PARG: variants seen among roughly 807,000 people sequenced by gnomAD.
The protein encoded by PARG is poly(ADP-ribose) glycohydrolase.
In PARG, 35 loss-of-function variants were observed where a neutral mutation model predicts 113.0. The ratio of observed to expected loss-of-function variants is 0.31; its 90% confidence interval spans 0.24 to 0.41. The LOEUF (loss-of-function observed/expected upper bound fraction) is 0.41, where lower values mean the gene tolerates loss of function less well. PARG is among the 10% of genes least tolerant of loss of function. The probability of loss-of-function intolerance (pLI) is 1.00; values close to 1 mark genes in which losing one functional copy is unlikely to be tolerated. For synonymous variants in PARG, 330 were observed against 409.9 expected (o/e 0.81, Z 2.36); for missense variants, 797 against 1,169.4 (o/e 0.68, Z 4.64).
chr10:49,922,309 C>G (rs193176080), intron 6 of PARG, 27 bp downstream of exon 6: 2,068 of 1,580,264 alleles, frequency 1.3e-3, no homozygotes, highest in East Asian at 9.5e-3. Flanking sequence ...GGCCCATAAA[C>G]AGGCAAGCAT....
intron 13 of PARG, among the ~76,000 whole-genome samples, chr10:49,851,780 A>T (rs1845769920): frequency 7.8e-6 from 1 of 128,300 alleles, no homozygotes; most frequent in Admixed American, 7.6e-5. Flanking sequence ...GTAAGAGAAG[A>T]CAAAAAAAAA....
At chr10:49,938,281 G>C (rs1262112880) in intron 1 of PARG, among the ~76,000 whole-genome samples, 2 of 151,990 alleles carry the variant, frequency 1.3e-5, no homozygotes, top group African/African-American at 4.8e-5. Context: ...GCCTCACAAA[G>C]CACTCAATAT....
At chr10:49,822,209 C>T (rs115783026) in intron 16 of PARG, among the ~76,000 whole-genome samples, 2,190 of 151,838 alleles carry the variant, frequency 0.014, 52 homozygotes, top group African/African-American at 0.048. Context: ...CTCATGATGT[C>T]GAAAATATGT....
In PARG at chr10:49,904,632, A is replaced by G. The variant is rs1848492184; in HGVS notation, c.1737+11285T>C. 7.2e-5 allele frequency among the ~76,000 whole-genome samples: 11 copies of G among 151,732 alleles called. No homozygotes were observed. The South Asian group carries it at 2.3e-3, about 32-fold the overall frequency. On this transcript the variant is annotated intron_variant, in intron 7 of 17. Transcript: ENST00000616448. ...AAACTGCTCTAAAAAAAGAAAGTCT[A>G]GGTCAGGCACGATAGCTCATGCCTG...
chr10:49,926,196 A>G (rs1251428201), intron 4 of PARG, among the ~76,000 whole-genome samples: 5 of 152,228 alleles, frequency 3.3e-5, no homozygotes, highest in Non-Finnish European at 7.3e-5. Context: ...GGCATCTAAC[A>G]AAGGCAAAAT....
intron 7 of PARG, among the ~76,000 whole-genome samples, chr10:49,904,306 A>C (rs1222142598): frequency 2.0e-5 from 3 of 151,848 alleles, no homozygotes; most frequent in African/African-American, 7.3e-5. Flanking sequence ...AAGATGGCAG[A>C]GAGAAAGAGC....
chr10:49,819,075 C>G lies in PARG; in HGVS notation c.*265G>C. 1 of 284,396 alleles carries G rather than the reference C, an allele frequency of 3.5e-6. No homozygotes were observed. The highest frequency in any genetic ancestry group is 6.5e-6 in the Non-Finnish European group (1 of 152,674). The allele number at this position is 284,396 out of a possible 1,614,324, so 17.6% of individuals were successfully genotyped here. ...GGGATTTCACAAGAGATCTGATGGA[C>G]AAAAGAAATAAACATCAAAGAATGA... On this transcript the variant is annotated 3_prime_UTR_variant, in exon 18 of 18. Coordinates refer to ENST00000616448, the MANE Select transcript of PARG (RefSeq NM_003631.5).
chr10:49,845,588 T>A (rs1845466980), intron 13 of PARG, among the ~76,000 whole-genome samples: 1 of 152,094 alleles, frequency 6.6e-6, no homozygotes, highest in Non-Finnish European at 1.5e-5. Flanking sequence ...AGATTATCGC[T>A]TACTTAATGC....
At chr10:49,898,106 T>C (rs1462958972) in intron 7 of PARG, among the ~76,000 whole-genome samples, 1 of 152,234 alleles carries the variant, frequency 6.6e-6, no homozygotes. Context: ...AGACTAGTTA[T>C]AGGCCTAGAT....
At chr10:49,833,982 C>T (rs1844793777) in intron 15 of PARG, among the ~76,000 whole-genome samples, 1 of 152,120 alleles carries the variant, frequency 6.6e-6, no homozygotes. Context: ...ATTTATTTTA[C>T]AGACTGTCTC....
At chr10:49,936,667 GAT>G (rs1838757953) in intron 1 of PARG, among the ~76,000 whole-genome samples, 1 of 152,070 alleles carries the variant, frequency 6.6e-6, no homozygotes, top group Admixed American at 6.5e-5. Flanking sequence ...TAAGATTTGA[GAT>G]ACTCACTAAA....
At chr10:49,922,925 C>G (rs145894194) in intron 4 of PARG, among the ~76,000 whole-genome samples, 687 of 152,206 alleles carry the variant, frequency 4.5e-3, no homozygotes, top group East Asian at 0.018. Flanking sequence ...TGTTTCCTAT[C>G]CTTCTCCCTA....
At chr10:49,905,702 T>A (rs564173194) in intron 7 of PARG, among the ~76,000 whole-genome samples, 1 of 152,108 alleles carries the variant, frequency 6.6e-6, no homozygotes, top group Non-Finnish European at 1.5e-5. Context: ...ATTTGCGTAA[T>A]ACAACCTGGG....
chr10:49,939,284 A>G (rs1216073245), intron 1 of PARG, among the ~76,000 whole-genome samples: 1 of 152,158 alleles, frequency 6.6e-6, no homozygotes, highest in Non-Finnish European at 1.5e-5. Context: ...GACAACTGCC[A>G]TTTGTTTCTT....
At chr10:49,864,175 A>C (rs1239787713) in intron 11 of PARG, among the ~76,000 whole-genome samples, 1 of 152,052 alleles carries the variant, frequency 6.6e-6, no homozygotes, top group African/African-American at 2.4e-5. Flanking sequence ...AGAGCTGATC[A>C]AGAGTTTTAG....
chr10:49,844,016 G>A (rs887095728), intron 13 of PARG, among the ~76,000 whole-genome samples: 1 of 152,036 alleles, frequency 6.6e-6, no homozygotes, highest in Non-Finnish European at 1.5e-5. Flanking sequence ...TTGGTGGTGT[G>A]TGCCTTTAAT....
rs1588972226 is a variant in PARG, at chr10:49,907,524, T to C, written c.1737+8393A>G. Among the ~76,000 whole-genome samples the C allele has an allele frequency of 2.0e-5, 3 of 152,258 alleles. 1 individual carries two copies. In the Middle Eastern group the frequency reaches 0.01, roughly 518 times the overall value. ...ATAGGCTACACACTGAAACAATATATAAATTTGAAAAACAGATCTAACGTT... is the reference window on the plus strand; with the variant it reads ...ATAGGCTACACACTGAAACAATATACAAATTTGAAAAACAGATCTAACGTT... On this transcript the variant is annotated intron_variant, in intron 7 of 17. Coordinates refer to ENST00000616448, the MANE Select transcript of PARG (RefSeq NM_003631.5).
At chr10:49,834,661 G>A (rs1288295105) in intron 15 of PARG, among the ~76,000 whole-genome samples, 1 of 152,050 alleles carries the variant, frequency 6.6e-6, no homozygotes, top group Admixed American at 6.5e-5. Flanking sequence ...GGCTGAAGTG[G>A]TAGGATCACT....
At chr10:49,820,317 G>C (rs991260807) in intron 16 of PARG, 24 bp from the exon 17 acceptor site, 25 of 1,526,144 alleles carry the variant, frequency 1.6e-5, no homozygotes, top group Non-Finnish European at 2.0e-5. Flanking sequence ...AAAAGACACG[G>C]CTATATCATG....
Sources: allele counts gnomAD v4.1 joint callset (sites outside exome capture counted in the v4.1 genomes callset), GRCh38; gene constraint gnomAD v4.1.1; transcripts MANE v1.5; gene names NCBI Gene and HGNC (gene_info 2026-07-23, HGNC 2026-07-21).